KIF13A: variants seen among roughly 807,000 people sequenced by gnomAD.
KIF13A encodes kinesin-like protein KIF13A.
KIF13A carries 79 observed loss-of-function variants against 212.2 expected under a neutral mutation model. The ratio of observed to expected loss-of-function variants is 0.37; its 90% CI spans 0.31 to 0.45. The LOEUF (loss-of-function observed/expected upper bound fraction) is 0.45, where lower values mean the gene tolerates loss of function less well. Ranked by LOEUF, KIF13A falls within the 20% of genes least tolerant of loss-of-function variation. The probability of loss-of-function intolerance (pLI) is 1.00; values close to 1 mark genes in which losing one functional copy is unlikely to be tolerated. For missense variants in KIF13A, 1,901 were observed against 2,209.0 expected, an observed-to-expected ratio of 0.86 and a Z score of 2.79; for synonymous variants, 789 against 808.6, an observed-to-expected ratio of 0.98 and a Z score of 0.41.
rs1289917129 is a variant in KIF13A, at chr6:17,799,702, A to C, written c.2616+250T>G. 6.6e-6 allele frequency among the ~76,000 whole-genome samples: 1 copy of C among 152,224 alleles called. No homozygotes were observed. Among genetic ancestry groups the C allele is most frequent in the Non-Finnish European group, 1.5e-5 (1 of 68,038 alleles). The stretch of plus-strand genomic sequence containing the variant: ...TAATGACTGAGATGCAACCTTTAAT[A>C]GAAAAACATAATTCACTAAGCAACA... On this transcript the variant is annotated intron_variant, in intron 21 of 38. Coordinates refer to ENST00000259711, the MANE Select transcript of KIF13A (RefSeq NM_022113.6). This position sits in a 1 kb window ranked among gnomAD's most constrained non-coding sequence, Gnocchi z 4.4.
chr6:17,974,318 T>C (rs888488195), intron 2 of KIF13A, among the ~76,000 whole-genome samples: 3 of 152,128 alleles, frequency 2.0e-5, no homozygotes, highest in Admixed American at 2.0e-4. Context: ...GACCTCATGA[T>C]CTGCCCACCT....
At chr6:17,981,517 C>T (rs1394187091) in intron 2 of KIF13A, among the ~76,000 whole-genome samples, 5 of 151,338 alleles carry the variant, frequency 3.3e-5, no homozygotes, top group Admixed American at 2.0e-4. Flanking sequence ...CTACGCCTCC[C>T]GGGTTCAAGC....
chr6:17,929,059 C>CAAAAAAAAAAAAAAAA (rs375511285), intron 2 of KIF13A, among the ~76,000 whole-genome samples: 1 of 36,694 alleles, frequency 2.7e-5, no homozygotes, highest in African/African-American at 7.6e-5. Flanking sequence ...AAGAATTTCT[C>CAAAAAAAAAAAAAAAA]AAAAAAAAAA....
chr6:17,797,935 A>C (rs1369940300), intron 22 of KIF13A, among the ~76,000 whole-genome samples: 1 of 152,154 alleles, frequency 6.6e-6, no homozygotes, highest in Admixed American at 6.6e-5. Flanking sequence ...GATTGTGAGG[A>C]AATGAATACT....
intron 2 of KIF13A, among the ~76,000 whole-genome samples, chr6:17,958,933 T>A (rs1321792401): frequency 1.4e-5 from 2 of 142,496 alleles, no homozygotes; most frequent in African/African-American, 2.6e-5. Context: ...CAGGCTAGAG[T>A]GCAGTAGTGC....
In KIF13A at chr6:17,982,406, T is replaced by G. The variant is rs1781171726; in HGVS notation, c.146+4648A>C. 1 of 983,478 alleles carries G rather than the reference T, an allele frequency of 1.0e-6. No individual in the cohort carries two copies. The highest frequency in any genetic ancestry group is 6.2e-5 in the Admixed American group (1 of 16,260). The allele number at this position is 983,478 out of a possible 1,614,324, so 60.9% of individuals were successfully genotyped here. ...AGCCACTGTGTCTGGCCCCCAGGAT[T>G]TGGAGCATTTTAGATTTCAGATGTT... is the stretch of plus-strand genomic sequence containing the variant. On this transcript the variant is annotated intron_variant, in intron 2 of 38. Transcript: ENST00000259711. This position sits in a 1 kb window ranked among gnomAD's most constrained non-coding sequence, Gnocchi z 5.1.
chr6:17,981,471 C>T (rs1182667081), intron 2 of KIF13A, among the ~76,000 whole-genome samples: 1 of 145,450 alleles, frequency 6.9e-6, no homozygotes, highest in African/African-American at 2.6e-5. Flanking sequence ...TGTCGCCAGG[C>T]TGGAGTGCAG....
At chr6:17,893,832 CTTTTTTTTTTTT>C (rs139288852) in intron 3 of KIF13A, among the ~76,000 whole-genome samples, 1 of 77,328 alleles carries the variant, frequency 1.3e-5, no homozygotes, top group African/African-American at 4.6e-5. Context: ...TTTCCTGCAT[CTTTTTTTTTTTT>C]TTTTTTTTTT....
chr6:17,768,828 C>T lies in KIF13A; in HGVS notation c.4581+2286G>A, dbSNP rs967492243. Among the ~76,000 whole-genome samples, 2 of 152,202 alleles carry T rather than the reference C, an allele frequency of 1.3e-5. No homozygotes were observed. The highest frequency in any genetic ancestry group is 2.9e-5 in the Non-Finnish European group (2 of 68,040). ...AATCACTGACTTTCTTTCTGCTATT[C>T]TCTATGCTTTATGACTTAAAAAGAC... On this transcript the variant is annotated intron_variant, in intron 38 of 38. Coordinates refer to ENST00000259711, the MANE Select transcript of KIF13A (RefSeq NM_022113.6). This position sits in a 1 kb window ranked among gnomAD's most constrained non-coding sequence, Gnocchi z 5.4.
intron 12 of KIF13A, among the ~76,000 whole-genome samples, chr6:17,832,573 G>T (rs912400114): frequency 3.9e-5 from 6 of 151,976 alleles, no homozygotes. Context: ...GGGAGGCGGA[G>T]GTTGCAGTGA....
intron 2 of KIF13A, among the ~76,000 whole-genome samples, chr6:17,953,270 CATACATACAT>C (rs139578318): frequency 0.011 from 1,712 of 152,232 alleles, 35 homozygotes; most frequent in African/African-American, 0.039. Flanking sequence ...AAAACATATG[CATACATACAT>C]ATACACGGGT....
intron 2 of KIF13A, among the ~76,000 whole-genome samples, chr6:17,983,609 T>TA (rs1439350982): frequency 6.6e-6 from 1 of 152,124 alleles, no homozygotes; most frequent in African/African-American, 2.4e-5. Flanking sequence ...TCTCCTGCCT[T>TA]AGGCTCCTAG....
At chr6:17,804,207 G>A (rs991843746) in intron 20 of KIF13A, among the ~76,000 whole-genome samples, 154 bp downstream of exon 20, 1 of 151,866 alleles carries the variant, frequency 6.6e-6, no homozygotes, top group African/African-American at 2.4e-5. Flanking sequence ...TTCTAATATC[G>A]ATTATTAGTA....
rs773490796 is a variant in KIF13A, at chr6:17,817,139, T to G, written c.1881A>C (p.Glu627Asp). Residue 627 changes from glutamate to aspartate, a missense_variant, in exon 17 of 39, where the codon GAA becomes GAC. This residue lies in a region of KIF13A where 534 missense variants were observed against 536.9 expected (regional missense o/e 0.99). Transcript: ENST00000259711. ...LEEQRLMYER[E>D]LEQLRQQLSP... is the part of the protein sequence containing the mutation. ...AGAGCTGCTGGCGGAGTTGCTCCAG[T>G]TCCCGCTCATACATGAGCCGCTGCT... 6 of 1,614,014 alleles carry G rather than the reference T, an allele frequency of 3.7e-6. No homozygotes were observed. Among genetic ancestry groups the G allele is most frequent in the Non-Finnish European group, 4.2e-6 (5 of 1,179,888 alleles).
At chr6:17,931,896 T>C (rs898752558) in intron 2 of KIF13A, among the ~76,000 whole-genome samples, 1 of 152,206 alleles carries the variant, frequency 6.6e-6, no homozygotes, top group African/African-American at 2.4e-5. Context: ...AAGATAACTA[T>C]TGTTAAACAA....
At position 17,963,855 on chromosome 6, in the gene KIF13A, A is replaced by C. The variant is rs754643207; in HGVS notation, c.146+23199T>G. On this transcript the variant is annotated intron_variant, in intron 2 of 38. Coordinates refer to ENST00000259711, the MANE Select transcript of KIF13A (RefSeq NM_022113.6). This position sits in a 1 kb window ranked among gnomAD's most constrained non-coding sequence, Gnocchi z 4.1. ...CGGGCGTGAGCCACCATGCCTGGCC[A>C]ATATGTTCTATATCTTAATGGTGAT... Among the ~76,000 whole-genome samples the C allele has an allele frequency of 6.6e-6, 1 of 152,196 alleles. No homozygotes were observed. Among genetic ancestry groups the C allele is most frequent in the Non-Finnish European group, 1.5e-5 (1 of 68,034 alleles).
intron 4 of KIF13A, among the ~76,000 whole-genome samples, chr6:17,859,639 T>TA (rs201918014): frequency 0.035 from 2,573 of 72,562 alleles, 53 homozygotes; most frequent in African/African-American, 0.088. Flanking sequence ...TATATATATA[T>TA]TTTTTTTTTT....
chr6:17,804,258 C>T, intron 20 of KIF13A, 103 bp downstream of exon 20: 1 of 1,076,454 alleles, frequency 9.3e-7, no homozygotes, highest in African/African-American at 1.6e-5. Context: ...GCCTTAGTTT[C>T]TTGATCCACC....
chr6:17,760,476 T>C (rs974086021), downstream of KIF13A: 4 of 197,780 alleles, frequency 2.0e-5, no homozygotes, highest in Admixed American at 5.6e-5. Flanking sequence ...GATTAGAGCA[T>C]TGACTCCAGA....
Sources: gnomAD v4.1 joint callset for allele counts (sites outside exome capture counted in the v4.1 genomes callset) on GRCh38, gnomAD v4.1.1 for gene constraint, gnomAD v4.1.1 regional missense constraint, Gnocchi (gnomAD v3.1) non-coding constraint, MANE v1.5 for transcripts, NCBI Gene and HGNC (gene_info 2026-07-23, HGNC 2026-07-21) for gene names.